The following FOXP1 variants were observed in gnomAD, a reference collection of about 807,000 sequenced individuals.
FOXP1 encodes forkhead box P1, also known as forkhead box protein P1.
Under a neutral mutation model 98.2 loss-of-function variants are expected in FOXP1, and 15 were observed. The ratio of observed to expected loss-of-function variants is 0.15; its 90% CI spans 0.10 to 0.24. The LOEUF is 0.24. Ranked by LOEUF, FOXP1 falls within the 10% of genes least tolerant of loss-of-function variation. FOXP1 has a pLI of 1.00. For missense variants in FOXP1, 633 were observed against 848.5 expected (o/e 0.75, Z 3.15); for synonymous variants, 371 against 314.5 (o/e 1.18, Z -1.90).
intron 3 of FOXP1, among the ~76,000 whole-genome samples, chr3:71,451,100 A>T (rs545913928): frequency 3.3e-5 from 5 of 152,300 alleles, no homozygotes; most frequent in African/African-American, 1.2e-4. Flanking sequence ...CTTCCCCCCA[A>T]GCAGTGCTTA....
chr3:71,537,312 TGA>T (rs1334668252), intron 2 of FOXP1, among the ~76,000 whole-genome samples: 1 of 151,946 alleles, frequency 6.6e-6, no homozygotes, highest in Non-Finnish European at 1.5e-5. Flanking sequence ...CCAGAAGGAG[TGA>T]GTCACGAGGA....
chr3:71,271,614 C>T (rs2070359895), intron 5 of FOXP1, among the ~76,000 whole-genome samples: 1 of 152,190 alleles, frequency 6.6e-6, no homozygotes, highest in South Asian at 2.1e-4. Flanking sequence ...AAAAGAACCA[C>T]ACGGGTAATA....
chr3:71,141,500 AACTCGGTTTC>A (rs1358544484), intron 6 of FOXP1, among the ~76,000 whole-genome samples: 2 of 152,198 alleles, frequency 1.3e-5, no homozygotes, highest in Non-Finnish European at 2.9e-5. Flanking sequence ...CCTCATGATT[AACTCGGTTTC>A]ACTACTCAGG....
Position 71,230,747 on chromosome 3 carries a change from CAT to C in FOXP1, c.-11-32357_-11-32356del, listed in dbSNP as rs148942667. Among the ~76,000 whole-genome samples the C allele has an allele frequency of 4.2e-3, 642 of 152,268 alleles. 4 individuals are homozygous for C. The highest frequency in any genetic ancestry group is 0.015 in the African/African-American group (609 of 41,548). On this transcript the variant is annotated intron_variant, in intron 5 of 20. Transcript: ENST00000649528. ...GGAAGAGCCAAGAGAAAACTCTACA[CAT>C]GTTTTATTTTAAAATTACTATTTGA...
At chr3:71,358,319 T>G (rs1341194431) in intron 4 of FOXP1, among the ~76,000 whole-genome samples, 1 of 152,158 alleles carries the variant, frequency 6.6e-6, no homozygotes, top group Non-Finnish European at 1.5e-5. Flanking sequence ...CAACAGCTAG[T>G]CCATCAACTG....
intron 6 of FOXP1, among the ~76,000 whole-genome samples, chr3:71,183,656 TAC>T (rs1451702197): frequency 2.6e-5 from 4 of 152,182 alleles, no homozygotes; most frequent in Admixed American, 1.3e-4. Context: ...CAGAGAAACT[TAC>T]ACAGTCACCC....
At chr3:71,302,205 T>C (rs2073904278) in intron 4 of FOXP1, among the ~76,000 whole-genome samples, 1 of 152,282 alleles carries the variant, frequency 6.6e-6, no homozygotes, top group African/African-American at 2.4e-5. Flanking sequence ...AAAAGATTAA[T>C]AGTTCAACAG....
intron 2 of FOXP1, among the ~76,000 whole-genome samples, chr3:71,545,823 C>A (rs1010058714): frequency 6.6e-6 from 1 of 152,182 alleles, no homozygotes; most frequent in African/African-American, 2.4e-5. Flanking sequence ...ATTGCCATGT[C>A]CCTTTTGTTG....
At chr3:71,100,727 G>A (rs1395797865) in intron 7 of FOXP1, among the ~76,000 whole-genome samples, 1 of 152,210 alleles carries the variant, frequency 6.6e-6, no homozygotes, top group Non-Finnish European at 1.5e-5. Flanking sequence ...ACTCTGAACT[G>A]TTATCAAATG....
chr3:71,106,778 T>A (rs1218820281), intron 7 of FOXP1, among the ~76,000 whole-genome samples: 2 of 150,652 alleles, frequency 1.3e-5, no homozygotes, highest in African/African-American at 2.4e-5. Context: ...TAGGGATTTT[T>A]TTTTTTTTTT....
chr3:70,958,323 T>TGTC lies in FOXP1; in HGVS notation c.*921_*923dup, dbSNP rs1553650577. On this transcript the variant is annotated 3_prime_UTR_variant, in exon 21 of 21. Coordinates refer to ENST00000649528, the MANE Select transcript of FOXP1 (RefSeq NM_001349338.3). Reference sequence around the variant, plus strand: ...AGAGTTTGTCTCTCTTTTTTTTTTCTGTCATTCATTCTCTTTCTGGCAGGA... The same window carrying TGTC: ...AGAGTTTGTCTCTCTTTTTTTTTTCTGTCGTCATTCATTCTCTTTCTGGCAGGA... The TGTC allele has an allele frequency of 1.9e-6, 1 of 535,516 alleles. No homozygotes were observed. Among genetic ancestry groups the TGTC allele is most frequent in the Non-Finnish European group, 3.6e-6 (1 of 276,246 alleles). 33.2% of individuals were successfully genotyped at this position (535,516 alleles called of 1,614,324 possible). A position where few individuals can be genotyped will look rare whatever the true frequency, so the allele number is the denominator to read the frequency against.
At chr3:71,189,733 CTCT>C (rs760016477) in intron 6 of FOXP1, among the ~76,000 whole-genome samples, 20 of 152,222 alleles carry the variant, frequency 1.3e-4, no homozygotes, top group Non-Finnish European at 2.6e-4. Context: ...CCTCAACAAT[CTCT>C]TCTTATCCAG....
chr3:71,583,673 C>A lies in FOXP1; in HGVS notation c.-549G>T. 1.0e-6 allele frequency: 1 copy of A among 984,862 alleles called. No individual in the cohort carries two copies. Among genetic ancestry groups the A allele is most frequent in the South Asian group, 4.7e-5 (1 of 21,232 alleles). The allele number at this position is 984,862 out of a possible 1,614,324, so 61.0% of individuals were successfully genotyped here. A position where few individuals can be genotyped will look rare whatever the true frequency, so the allele number is the denominator to read the frequency against. Reference sequence around the variant, plus strand: ...CGCACCCCGCGCACACACTCACTCGCGCACACACGCGCGCACACACGCACT... The same window carrying A: ...CGCACCCCGCGCACACACTCACTCGAGCACACACGCGCGCACACACGCACT... On this transcript the variant is annotated 5_prime_UTR_variant, in exon 1 of 21. Coordinates refer to ENST00000649528, the MANE Select transcript of FOXP1 (RefSeq NM_001349338.3).
chr3:71,021,903 T>C (rs1267467011), intron 11 of FOXP1, among the ~76,000 whole-genome samples: 1 of 152,216 alleles, frequency 6.6e-6, no homozygotes, highest in East Asian at 1.9e-4. Context: ...GTTTTGTGGG[T>C]TATCTTTTTA....
intron 6 of FOXP1, among the ~76,000 whole-genome samples, chr3:71,125,417 G>A (rs765605899): frequency 4.6e-5 from 7 of 152,042 alleles, no homozygotes; most frequent in South Asian, 2.1e-4. Flanking sequence ...TGACATGACC[G>A]ATTAAAAAAA....
intron 3 of FOXP1, among the ~76,000 whole-genome samples, chr3:71,446,036 GGTGAGTGAGTGAGTGA>G (rs34045911): frequency 0.27 from 40,850 of 149,186 alleles, 5,868 homozygotes; most frequent in Middle Eastern, 0.37. Flanking sequence ...ACAACTCATA[GGTGAGTGAGTGAGTGA>G]GTGAGTGAGT....
chr3:71,531,150 T>C (rs564956100), intron 2 of FOXP1, among the ~76,000 whole-genome samples: 1 of 152,328 alleles, frequency 6.6e-6, no homozygotes, highest in South Asian at 2.1e-4. Context: ...CATAAATAAA[T>C]ATAATTTCTT....
intron 2 of FOXP1, among the ~76,000 whole-genome samples, chr3:71,505,535 C>T (rs2041753509): frequency 6.6e-6 from 1 of 151,422 alleles, no homozygotes; most frequent in Non-Finnish European, 1.5e-5. Context: ...AAGCGATTCT[C>T]CTGCCTCAGC....
chr3:71,051,728 A>C (rs1270665097), intron 9 of FOXP1, among the ~76,000 whole-genome samples: 1 of 152,336 alleles, frequency 6.6e-6, no homozygotes, highest in Non-Finnish European at 1.5e-5. Flanking sequence ...GAAAGATGTC[A>C]TAATAACGCA....
Sources: allele counts gnomAD v4.1 joint callset (sites outside exome capture counted in the v4.1 genomes callset), GRCh38; gene constraint gnomAD v4.1.1; transcripts MANE v1.5; gene names NCBI Gene and HGNC (gene_info 2026-07-23, HGNC 2026-07-21).